Variants in POM121C observed in about 807,000 individuals in gnomAD.
POM121C encodes the protein nuclear envelope pore membrane protein POM 121C.
In POM121C, 20 loss-of-function variants were observed where a neutral mutation model predicts 66.4. That is an observed-to-expected ratio of 0.30 (90% CI 0.21 to 0.44). The LOEUF (loss-of-function observed/expected upper bound fraction) is 0.44, where lower values mean the gene tolerates loss of function less well. Among genes scored for constraint, POM121C ranks in the 20% least tolerant of loss-of-function variants. POM121C has a pLI of 1.00. For missense variants in POM121C, 580 were observed against 1,225.7 expected (o/e 0.47, Z 7.87); for synonymous variants, 286 against 528.0 (o/e 0.54, Z 6.28).
chr7:75,467,722 CTG>C (rs1302518502), intron 3 of POM121C, among the ~76,000 whole-genome samples: 3 of 152,080 alleles, frequency 2.0e-5, no homozygotes, highest in Non-Finnish European at 4.4e-5. Context: ...GGGTACCACT[CTG>C]TGCTAGGTAT....
rs1444016113 is a variant in POM121C, at chr7:75,417,849, C to T, written c.*947G>A. On this transcript the variant is annotated 3_prime_UTR_variant, in exon 15 of 15. Transcript: ENST00000615331. ...TAGCGAGGCCCCAGAAAACTTGAAACAGGAAGTCCGGCACTACCAACATGC... is the reference window on the plus strand; with the variant it reads ...TAGCGAGGCCCCAGAAAACTTGAAATAGGAAGTCCGGCACTACCAACATGC... 1.0e-6 allele frequency: 1 copy of T among 964,534 alleles called. No individual in the cohort carries two copies. Among genetic ancestry groups the T allele is most frequent in the Non-Finnish European group, 1.2e-6 (1 of 811,454 alleles). 59.7% of individuals were successfully genotyped at this position (964,534 alleles called of 1,614,324 possible). A position where few individuals can be genotyped will look rare whatever the true frequency, so the allele number is the denominator to read the frequency against.
At chr7:75,460,688 T>C (rs1246482437) in intron 3 of POM121C, among the ~76,000 whole-genome samples, 4 of 152,124 alleles carry the variant, frequency 2.6e-5, no homozygotes, top group Non-Finnish European at 4.4e-5. Context: ...GAGAGGCTGC[T>C]GATCTTCACG....
chr7:75,416,985 G>A lies in POM121C; in HGVS notation c.*1811C>T. On this transcript the variant is annotated 3_prime_UTR_variant, in exon 15 of 15. Coordinates refer to ENST00000615331, the MANE Select transcript of POM121C (RefSeq NM_001099415.3). The stretch of plus-strand genomic sequence containing the variant: ...TCAGGGTTCCCGGACCGGCTGTCCT[G>A]CCTGCGGAACTGAGGTAAACAAGCT... The A allele has an allele frequency of 3.0e-6, 4 of 1,333,560 alleles. No individual in the cohort carries two copies. The highest frequency in any genetic ancestry group is 3.8e-6 in the Non-Finnish European group (4 of 1,039,310). The allele number at this position is 1,333,560 out of a possible 1,614,324, so 82.6% of individuals were successfully genotyped here.
Position 75,416,827 on chromosome 7 carries a change from G to A in POM121C, c.*1969C>T, listed in dbSNP as rs1484264724. 5 of 1,459,426 alleles carry A rather than the reference G, an allele frequency of 3.4e-6. No homozygotes were observed. In the African/African-American group the frequency reaches 7.1e-5, roughly 21 times the overall value. The allele number at this position is 1,459,426 out of a possible 1,614,324, so 90.4% of individuals were successfully genotyped here. On this transcript the variant is annotated 3_prime_UTR_variant, in exon 15 of 15. Coordinates refer to ENST00000615331, the MANE Select transcript of POM121C (RefSeq NM_001099415.3). ...TTTTTATTCTTAATGTCACAAGCAG[G>A]AGAAAAATCTCACATTCATACTAAA... is the stretch of plus-strand genomic sequence containing the variant.
At chr7:75,424,454 A>C (rs1789854703) in intron 11 of POM121C, 72 bp downstream of exon 11, 3 of 1,564,538 alleles carry the variant, frequency 1.9e-6, no homozygotes, top group Non-Finnish European at 2.6e-6. Context: ...CCATTTTTCC[A>C]AACACCAAAA....
At chr7:75,437,848 A>G (rs1429987003) in intron 6 of POM121C, among the ~76,000 whole-genome samples, 162 bp from the exon 7 acceptor site, 2 of 152,260 alleles carry the variant, frequency 1.3e-5, no homozygotes, top group Non-Finnish European at 2.9e-5. Flanking sequence ...AAAGTCAGTA[A>G]GAAAAGCCAA....
intron 3 of POM121C, among the ~76,000 whole-genome samples, chr7:75,468,360 C>T (rs1417447682): frequency 3.4e-5 from 5 of 147,130 alleles, no homozygotes; most frequent in African/African-American, 1.3e-4. Context: ...CTCTGTCGCC[C>T]AGGCTGGAGT....
At chr7:75,449,844 G>A (rs1455598465) in intron 3 of POM121C, among the ~76,000 whole-genome samples, 6 of 151,928 alleles carry the variant, frequency 3.9e-5, no homozygotes, top group Admixed American at 6.6e-5. Flanking sequence ...GGCCAGGCCC[G>A]TCTCTACTAA....
At chr7:75,475,519 T>G (rs1429634795) in intron 1 of POM121C, among the ~76,000 whole-genome samples, 2 of 150,656 alleles carry the variant, frequency 1.3e-5, no homozygotes, top group African/African-American at 4.9e-5. Flanking sequence ...TTTTACTTCT[T>G]GTCACTTCTT....
chr7:75,439,854 A>G (rs1554473631), intron 5 of POM121C, among the ~76,000 whole-genome samples: 1 of 150,922 alleles, frequency 6.6e-6, no homozygotes, highest in East Asian at 2.0e-4. Context: ...TTCCATTTTC[A>G]TTAGGTTATT....
chr7:75,459,870 T>C (rs1395125623), intron 3 of POM121C, among the ~76,000 whole-genome samples: 1 of 148,646 alleles, frequency 6.7e-6, no homozygotes, highest in African/African-American at 2.5e-5. Flanking sequence ...TAGAAAGCAG[T>C]AGAGTTTCTA....
chr7:75,420,768 G>A (rs1789674819), intron 13 of POM121C: 1 of 152,768 alleles, frequency 6.5e-6, no homozygotes, highest in South Asian at 2.1e-4. Context: ...GAACACTTAA[G>A]ACCCAAACAC....
At chr7:75,463,038 C>T (rs1791498625) in intron 3 of POM121C, among the ~76,000 whole-genome samples, 2 of 152,198 alleles carry the variant, frequency 1.3e-5, no homozygotes, top group Middle Eastern at 6.8e-3. Context: ...TGTACACAGA[C>T]TGGGCCGGGT....
chr7:75,469,039 G>T (rs1319241295), intron 3 of POM121C, among the ~76,000 whole-genome samples: 1 of 151,568 alleles, frequency 6.6e-6, no homozygotes, highest in Non-Finnish European at 1.5e-5. Context: ...AGTCATCCTT[G>T]ACTCCTCTCT....
At chr7:75,450,854 A>G (rs1161188518) in intron 3 of POM121C, among the ~76,000 whole-genome samples, 16 of 152,330 alleles carry the variant, frequency 1.1e-4, no homozygotes, top group South Asian at 4.1e-4. Context: ...AATGACAATC[A>G]CAAATCATGC....
chr7:75,484,010 G>C (rs1792411174), intron 1 of POM121C, among the ~76,000 whole-genome samples: 1 of 152,016 alleles, frequency 6.6e-6, no homozygotes, highest in Non-Finnish European at 1.5e-5. Context: ...GCTGAGGCAG[G>C]AGAATCACTT....
At chr7:75,468,399 C>T (rs1791753724) in intron 3 of POM121C, among the ~76,000 whole-genome samples, 1 of 144,632 alleles carries the variant, frequency 6.9e-6, no homozygotes, top group Admixed American at 7.2e-5. Flanking sequence ...CTCACTGCAA[C>T]CTCTACCTCC....
intron 3 of POM121C, among the ~76,000 whole-genome samples, chr7:75,450,921 G>T (rs1440077643): frequency 1.3e-5 from 2 of 152,066 alleles, no homozygotes; most frequent in African/African-American, 4.8e-5. Flanking sequence ...TCAGCCCTTA[G>T]GAAGCCCAGA....
At chr7:75,482,898 T>C (rs1388446547) in intron 1 of POM121C, among the ~76,000 whole-genome samples, 2 of 152,196 alleles carry the variant, frequency 1.3e-5, no homozygotes, top group African/African-American at 2.4e-5. Flanking sequence ...ATTAAATCAC[T>C]GGTCACCTTT....
Sources: gnomAD v4.1 joint callset for allele counts (sites outside exome capture counted in the v4.1 genomes callset) on GRCh38, gnomAD v4.1.1 for gene constraint, MANE v1.5 for transcripts, NCBI Gene and HGNC (gene_info 2026-07-23, HGNC 2026-07-21) for gene names.